OR4N2: variants seen among roughly 807,000 people sequenced by gnomAD.
OR4N2 encodes the protein olfactory receptor 4N2.
For missense variants in OR4N2, 307 were observed against 377.6 expected (o/e 0.81, Z 1.55); for synonymous variants, 141 against 140.4 (o/e 1.00, Z -0.03).
rs1879805179 is a variant in OR4N2, at chr14:19,829,209, T to A, written c.*837T>A. 1 of 152,250 alleles carries A rather than the reference T, an allele frequency of 6.6e-6. No individual in the cohort carries two copies. Among genetic ancestry groups the A allele is most frequent in the Admixed American group, 6.5e-5 (1 of 15,280 alleles). The allele number at this position is 152,250 out of a possible 1,614,324, so 9.4% of individuals were successfully genotyped here. On this transcript the variant is annotated 3_prime_UTR_variant, in exon 2 of 2. Transcript: ENST00000557677. ...AGCTGGTTACTTTTACTGAAAAAGA[T>A]CACAAAAACATTTTACTTTTTTTTT...
rs184168385 is a variant in OR4N2, at chr14:19,828,614, C to G, written c.*242C>G. On this transcript the variant is annotated 3_prime_UTR_variant, in exon 2 of 2. Transcript: ENST00000557677. ...AGCATAGTTTCAGGAAGAGATACTG[C>G]TCTGTAAAAACTAAAAAGAAAAGTG... 1.6e-3 allele frequency: 659 copies of G among 420,482 alleles called. 10 individuals are homozygous for G. In the Admixed American group the frequency reaches 0.025, roughly 16 times the overall value. The allele number at this position is 420,482 out of a possible 1,614,324, so 26.0% of individuals were successfully genotyped here.
At chr14:19,818,425 C>T (rs1362418680) in intron 1 of OR4N2, among the ~76,000 whole-genome samples, 2 of 152,188 alleles carry the variant, frequency 1.3e-5, no homozygotes, top group African/African-American at 4.8e-5. Context: ...GATCCCTTTA[C>T]CATTATGTAA....
chr14:19,809,617 G>A (rs1442259236), intron 1 of OR4N2, among the ~76,000 whole-genome samples: 2 of 152,226 alleles, frequency 1.3e-5, no homozygotes, highest in African/African-American at 4.8e-5. Flanking sequence ...TAAGGCTACA[G>A]TAACCAAAAC....
intron 1 of OR4N2, among the ~76,000 whole-genome samples, chr14:19,812,848 A>G (rs1255644768): frequency 2.0e-5 from 3 of 152,254 alleles, no homozygotes; most frequent in African/African-American, 7.2e-5. Context: ...GAGGAAAAAA[A>G]TGAATAAATT....
chr14:19,821,322 T>C (rs533933507), intron 1 of OR4N2, among the ~76,000 whole-genome samples: 5 of 152,356 alleles, frequency 3.3e-5, no homozygotes, highest in Non-Finnish European at 7.3e-5. Context: ...AGAAATCTTC[T>C]GTGAGTAACC....
chr14:19,819,988 C>T (rs1343149525), intron 1 of OR4N2, among the ~76,000 whole-genome samples: 12 of 152,236 alleles, frequency 7.9e-5, no homozygotes, highest in African/African-American at 2.4e-4. Context: ...CACTCCAGAC[C>T]CTGTTTTCCT....
chr14:19,807,301 T>A (rs1879188795), intron 1 of OR4N2, among the ~76,000 whole-genome samples: 1 of 151,954 alleles, frequency 6.6e-6, no homozygotes. Context: ...TAATTGGTCC[T>A]TCAAAATAAA....
intron 1 of OR4N2, among the ~76,000 whole-genome samples, chr14:19,809,082 C>A (rs1188036068): frequency 6.6e-6 from 1 of 152,092 alleles, no homozygotes; most frequent in East Asian, 1.9e-4. Flanking sequence ...AGCCTAAGAA[C>A]ATTCAACCAA....
chr14:19,810,693 CA>C (rs1313729141), intron 1 of OR4N2, among the ~76,000 whole-genome samples: 1 of 152,054 alleles, frequency 6.6e-6, no homozygotes, highest in Non-Finnish European at 1.5e-5. Context: ...GGAAAAGAGT[CA>C]AAATTAATGA....
intron 1 of OR4N2, chr14:19,822,197 G>A (rs1169588204): frequency 6.6e-6 from 1 of 152,258 alleles, no homozygotes; most frequent in Admixed American, 6.5e-5. Context: ...TGCATTTAAT[G>A]CTTGGGATTA....
chr14:19,822,936 G>A (rs1434782602), intron 1 of OR4N2, among the ~76,000 whole-genome samples: 1 of 152,226 alleles, frequency 6.6e-6, no homozygotes, highest in Non-Finnish European at 1.5e-5. Flanking sequence ...TCAGATAAAT[G>A]ATTCCCAAAC....
intron 1 of OR4N2, among the ~76,000 whole-genome samples, chr14:19,825,357 GCTGT>G (rs572226909): frequency 1.0e-3 from 156 of 152,260 alleles, no homozygotes; most frequent in African/African-American, 3.6e-3. Flanking sequence ...ATATAGATGT[GCTGT>G]CTGTCTTTTG....
intron 1 of OR4N2, among the ~76,000 whole-genome samples, chr14:19,824,956 C>T (rs940612965): frequency 6.6e-6 from 1 of 152,218 alleles, no homozygotes; most frequent in African/African-American, 2.4e-5. Context: ...CCCCTTAACT[C>T]CTGCATTGTT....
intron 1 of OR4N2, among the ~76,000 whole-genome samples, chr14:19,807,797 G>A (rs1236282296): frequency 6.6e-6 from 1 of 152,056 alleles, no homozygotes; most frequent in Non-Finnish European, 1.5e-5. Flanking sequence ...AAATCATCAG[G>A]CCAATATCCC....
intron 1 of OR4N2, among the ~76,000 whole-genome samples, chr14:19,819,769 G>A (rs1879517554): frequency 6.6e-6 from 1 of 152,236 alleles, no homozygotes; most frequent in Non-Finnish European, 1.5e-5. Flanking sequence ...AGGTGTTCTG[G>A]TTTTTGGAAT....
intron 1 of OR4N2, among the ~76,000 whole-genome samples, chr14:19,826,327 A>T (rs2096335674): frequency 6.6e-6 from 1 of 152,274 alleles, no homozygotes; most frequent in African/African-American, 2.4e-5. Flanking sequence ...ATTTTAGACT[A>T]ACAATATTAT....
At chr14:19,819,465 G>T (rs796154886) in intron 1 of OR4N2, among the ~76,000 whole-genome samples, 1 of 152,132 alleles carries the variant, frequency 6.6e-6, no homozygotes, top group African/African-American at 2.4e-5. Flanking sequence ...CCTTTCTTCC[G>T]CTCCATCGAT....
chr14:19,825,642 G>T (rs1445759673), intron 1 of OR4N2, among the ~76,000 whole-genome samples: 31 of 152,090 alleles, frequency 2.0e-4, no homozygotes, highest in Admixed American at 9.8e-4. Flanking sequence ...TGAAAGCTCT[G>T]CCTCCCGGGT....
intron 1 of OR4N2, among the ~76,000 whole-genome samples, chr14:19,823,215 C>G (rs1264212908): frequency 6.6e-6 from 1 of 152,134 alleles, no homozygotes; most frequent in Non-Finnish European, 1.5e-5. Context: ...CATTAGTGAG[C>G]TATTACTACT....
Sources: gnomAD v4.1 joint callset for allele counts (sites outside exome capture counted in the v4.1 genomes callset) on GRCh38, gnomAD v4.1.1 for gene constraint, MANE v1.5 for transcripts, NCBI Gene and HGNC (gene_info 2026-07-23, HGNC 2026-07-21) for gene names.